The following FHIT variants were observed in gnomAD, a reference collection of about 807,000 sequenced individuals.
FHIT encodes the protein bis(5'-adenosyl)-triphosphatase.
In FHIT, 19 loss-of-function variants were observed where a neutral mutation model predicts 17.9. The ratio of observed to expected loss-of-function variants is 1.06; its 90% CI spans 0.74 to 1.56. FHIT has a LOEUF of 1.56. Among genes scored for constraint, FHIT ranks in the 40% most tolerant of loss-of-function variants. The pLI, the probability that FHIT is intolerant of heterozygous loss-of-function variation, is 0.00. For synonymous variants in FHIT, 81 were observed against 69.7 expected, an observed-to-expected ratio of 1.16 and a Z score of -0.81; for missense variants, 248 against 189.2, an observed-to-expected ratio of 1.31 and a Z score of -1.82.
At chr3:60,713,104 G>C (rs1369066073) in intron 4 of FHIT, among the ~76,000 whole-genome samples, 33 of 152,134 alleles carry the variant, frequency 2.2e-4, no homozygotes, top group Non-Finnish European at 1.8e-4. Context: ...AATCAAAGTA[G>C]AACTCAGGAT....
intron 3 of FHIT, among the ~76,000 whole-genome samples, chr3:60,894,880 T>C (rs1705707827): frequency 6.6e-6 from 1 of 152,174 alleles, no homozygotes; most frequent in Admixed American, 6.5e-5. Context: ...GAAAAGTGGT[T>C]TTTGCTAAAC....
At chr3:59,898,653 T>G (rs777575802) in intron 8 of FHIT, among the ~76,000 whole-genome samples, 1 of 152,192 alleles carries the variant, frequency 6.6e-6, no homozygotes, top group Non-Finnish European at 1.5e-5. Flanking sequence ...TTTTTCTTCT[T>G]TTTTTGGTAC....
intron 3 of FHIT, among the ~76,000 whole-genome samples, chr3:60,975,438 C>T (rs1032495487): frequency 2.6e-5 from 4 of 152,156 alleles, no homozygotes; most frequent in African/African-American, 9.7e-5. Flanking sequence ...TGAAGTATGG[C>T]TTTATTTCCC....
At chr3:59,957,837 T>C (rs1338582808) in intron 7 of FHIT, among the ~76,000 whole-genome samples, 2 of 152,222 alleles carry the variant, frequency 1.3e-5, no homozygotes, top group South Asian at 2.1e-4. Context: ...CTCTTGGCTA[T>C]ACAACATGGA....
chr3:59,772,645 C>G (rs1702125087), intron 8 of FHIT, among the ~76,000 whole-genome samples: 1 of 152,098 alleles, frequency 6.6e-6, no homozygotes, highest in African/African-American at 2.4e-5. Context: ...TCAGGAGAGG[C>G]AATGCCACAA....
chr3:59,870,981 G>A (rs1196352520), intron 8 of FHIT, among the ~76,000 whole-genome samples: 5 of 151,992 alleles, frequency 3.3e-5, no homozygotes, highest in Non-Finnish European at 7.4e-5. Flanking sequence ...TGCCACACAA[G>A]TCTGATCACA....
chr3:60,449,985 G>T (rs936543102), intron 5 of FHIT, among the ~76,000 whole-genome samples: 1 of 120,798 alleles, frequency 8.3e-6, no homozygotes, highest in Non-Finnish European at 1.6e-5. Flanking sequence ...CCTGGCGACA[G>T]AGCTAGACTC....
intron 5 of FHIT, among the ~76,000 whole-genome samples, chr3:60,081,965 T>A (rs1703304722): frequency 6.6e-6 from 1 of 152,154 alleles, no homozygotes; most frequent in Non-Finnish European, 1.5e-5. Context: ...TACTTATCTG[T>A]TTTTGTAATT....
At chr3:60,681,507 ATTAAGCTT>A (rs1380035691) in intron 4 of FHIT, among the ~76,000 whole-genome samples, 4 of 152,214 alleles carry the variant, frequency 2.6e-5, no homozygotes, top group Non-Finnish European at 4.4e-5. Context: ...ATTAGAAATG[ATTAAGCTT>A]GGCGAGGAAG....
At chr3:60,562,049 C>T (rs939213145) in intron 4 of FHIT, among the ~76,000 whole-genome samples, 2 of 152,094 alleles carry the variant, frequency 1.3e-5, no homozygotes, top group African/African-American at 4.8e-5. Flanking sequence ...CATGCTTTCC[C>T]TATGTTTGAG....
At chr3:60,828,781 G>C (rs1702214268) in intron 3 of FHIT, among the ~76,000 whole-genome samples, 1 of 152,294 alleles carries the variant, frequency 6.6e-6, no homozygotes, top group Admixed American at 6.5e-5. Flanking sequence ...GGGAGACTGA[G>C]GCAGGAGATT....
intron 5 of FHIT, among the ~76,000 whole-genome samples, chr3:60,046,804 A>C (rs924440590): frequency 2.6e-5 from 4 of 152,216 alleles, no homozygotes; most frequent in African/African-American, 9.6e-5. Flanking sequence ...ACTCAGCCCA[A>C]GCTTTCTGAT....
At chr3:60,314,824 C>A (rs1709096240) in intron 5 of FHIT, among the ~76,000 whole-genome samples, 1 of 152,132 alleles carries the variant, frequency 6.6e-6, no homozygotes, top group African/African-American at 2.4e-5. Flanking sequence ...GTGGCTCATG[C>A]CTGTAATCCC....
At chr3:60,330,491 C>T (rs1396680923) in intron 5 of FHIT, among the ~76,000 whole-genome samples, 1 of 152,300 alleles carries the variant, frequency 6.6e-6, no homozygotes, top group East Asian at 1.9e-4. Flanking sequence ...CATGACTGTT[C>T]ACTGTGCATT....
intron 4 of FHIT, among the ~76,000 whole-genome samples, chr3:60,602,928 TG>T (rs1363511353): frequency 6.6e-6 from 1 of 152,170 alleles, no homozygotes; most frequent in Non-Finnish European, 1.5e-5. Flanking sequence ...ACACCAAATC[TG>T]CCGGTACCTT....
intron 5 of FHIT, among the ~76,000 whole-genome samples, chr3:60,254,790 T>C (rs1274496072): frequency 3.9e-5 from 6 of 152,080 alleles, no homozygotes. Context: ...AATCTTTAAG[T>C]GGAAATAGGA....
rs555426110 is a variant in FHIT at position 60,761,970 on chromosome 3, G to A, written c.-18+59949C>T. Among the ~76,000 whole-genome samples the A allele has an allele frequency of 3.9e-4, 60 of 152,048 alleles. 1 individual carries two copies. Among genetic ancestry groups the A allele is most frequent in the African/African-American group, 1.2e-3 (49 of 41,498 alleles). ...GCAAATTTATCCTTCCTTTGCTACC[G>A]GCTTCCATTAAATTGAAGGTGACTT... On this transcript the variant is annotated intron_variant, in intron 4 of 9. Coordinates refer to ENST00000492590, the MANE Select transcript of FHIT (RefSeq NM_002012.4).
At chr3:60,402,159 G>A (rs1363827345) in intron 5 of FHIT, among the ~76,000 whole-genome samples, 1 of 152,156 alleles carries the variant, frequency 6.6e-6, no homozygotes, top group East Asian at 1.9e-4. Flanking sequence ...GAGAAAAAAA[G>A]AAAATCTCAT....
intron 4 of FHIT, among the ~76,000 whole-genome samples, chr3:60,560,117 A>G (rs1436236257): frequency 6.6e-6 from 1 of 152,016 alleles, no homozygotes; most frequent in African/African-American, 2.4e-5. Context: ...CACAAACAAG[A>G]CAGTACACAG....
Sources: gnomAD v4.1 joint callset for allele counts (sites outside exome capture counted in the v4.1 genomes callset) on GRCh38, gnomAD v4.1.1 for gene constraint, MANE v1.5 for transcripts, NCBI Gene and HGNC (gene_info 2026-07-23, HGNC 2026-07-21) for gene names.